The following PTPRT variants were observed in gnomAD, a reference collection of about 807,000 sequenced individuals.
PTPRT encodes protein tyrosine phosphatase receptor type T, also known as receptor-type tyrosine-protein phosphatase T.
Under a neutral mutation model 176.8 loss-of-function variants are expected in PTPRT, and 56 were observed. The observed-to-expected ratio is 0.32, with a 90% CI of 0.26 to 0.40. The LOEUF (loss-of-function observed/expected upper bound fraction) is 0.40. Ranked by LOEUF, PTPRT falls within the 10% of genes least tolerant of loss-of-function variation. The probability of loss-of-function intolerance (pLI) is 1.00; values close to 1 mark genes in which losing one functional copy is unlikely to be tolerated. For synonymous variants in PTPRT, 783 were observed against 739.0 expected (o/e 1.06, Z -0.96); for missense variants, 1,540 against 1,908.2 (o/e 0.81, Z 3.60).
intron 15 of PTPRT, among the ~76,000 whole-genome samples, chr20:42,200,223 T>G (rs989347543): frequency 1.3e-5 from 2 of 152,208 alleles, no homozygotes; most frequent in African/African-American, 2.4e-5. Context: ...AGCTTACCTC[T>G]GCTGCCTGCC....
intron 16 of PTPRT, among the ~76,000 whole-genome samples, chr20:42,179,125 A>G (rs1399960521): frequency 6.6e-6 from 1 of 152,190 alleles, no homozygotes. Flanking sequence ...TCCTAATATC[A>G]TTCTGCAATG....
At chr20:42,105,591 G>A (rs1185003430) in intron 24 of PTPRT, among the ~76,000 whole-genome samples, 1 of 152,192 alleles carries the variant, frequency 6.6e-6, no homozygotes, top group Non-Finnish European at 1.5e-5. Flanking sequence ...TCTATAAAGA[G>A]TACTTTTCCA....
At chr20:42,620,162 C>G (rs1030656302) in intron 7 of PTPRT, among the ~76,000 whole-genome samples, 1 of 147,094 alleles carries the variant, frequency 6.8e-6, no homozygotes, top group African/African-American at 2.6e-5. Context: ...TTCTAACAGA[C>G]AGGACCCTCA....
chr20:42,049,973 C>T, the PTPRT span, among the ~76,000 whole-genome samples: 1 of 152,230 alleles, frequency 6.6e-6, no homozygotes, highest in Non-Finnish European at 1.5e-5. Flanking sequence ...TCATTCATTA[C>T]AGCCACATGG....
chr20:42,279,935 G>T (rs1198717145), intron 13 of PTPRT, among the ~76,000 whole-genome samples: 1 of 152,238 alleles, frequency 6.6e-6, no homozygotes, highest in Admixed American at 6.5e-5. Context: ...GGGTCTGGAT[G>T]CCCTCCATCA....
intron 11 of PTPRT, among the ~76,000 whole-genome samples, chr20:42,341,222 G>C (rs985275812): frequency 2.6e-5 from 4 of 152,252 alleles, no homozygotes; most frequent in South Asian, 4.2e-4. Flanking sequence ...CATCCAGGTT[G>C]CCTGGCCCTC....
chr20:42,410,495 C>A (rs1349852673), intron 9 of PTPRT, among the ~76,000 whole-genome samples: 1 of 151,682 alleles, frequency 6.6e-6, no homozygotes, highest in Admixed American at 6.6e-5. Context: ...GAAAACTTTC[C>A]TCTCCCAGTA....
intron 1 of PTPRT, among the ~76,000 whole-genome samples, chr20:43,152,399 C>T (rs1035540771): frequency 6.6e-6 from 1 of 152,142 alleles, no homozygotes; most frequent in Admixed American, 6.5e-5. Flanking sequence ...ATTCATTGCA[C>T]ACAAGTGATG....
In PTPRT at chr20:43,173,065, G is replaced by A. The variant is rs545421249; in HGVS notation, c.88+16581C>T. On this transcript the variant is annotated intron_variant, in intron 1 of 30. Transcript: ENST00000373187. ...TTTTGTATTTTTAGTAGAGACGGGG[G>A]TTTCTCCATGTTGGTCACGGCTGGT... Among the ~76,000 whole-genome samples, 23 of 152,008 alleles carry A rather than the reference G, an allele frequency of 1.5e-4. No homozygotes were observed. In the South Asian group the frequency reaches 3.6e-3, roughly 23 times the overall value.
At chr20:42,483,352 T>C (rs534610285) in intron 7 of PTPRT, among the ~76,000 whole-genome samples, 81 of 152,246 alleles carry the variant, frequency 5.3e-4, no homozygotes, top group African/African-American at 1.8e-3. Context: ...TTAGTAGAGA[T>C]GGGGTTTCAC....
chr20:42,151,208 A>T (rs1989117043), intron 17 of PTPRT, among the ~76,000 whole-genome samples: 1 of 151,706 alleles, frequency 6.6e-6, no homozygotes, highest in Non-Finnish European at 1.5e-5. Flanking sequence ...ATAGCTATAC[A>T]TGTGCCATGG....
chr20:42,834,664 A>G (rs1393285300), intron 2 of PTPRT, among the ~76,000 whole-genome samples: 1 of 152,112 alleles, frequency 6.6e-6, no homozygotes, highest in Admixed American at 6.6e-5. Context: ...TAATCTGATC[A>G]ATCTTTTATT....
chr20:42,428,262 G>T (rs150512201), intron 9 of PTPRT, among the ~76,000 whole-genome samples: 17 of 152,310 alleles, frequency 1.1e-4, no homozygotes, highest in African/African-American at 3.8e-4. Flanking sequence ...ACCACTTACA[G>T]TCACTGGGTT....
intron 18 of PTPRT, among the ~76,000 whole-genome samples, chr20:42,130,572 G>A (rs1210292647): frequency 6.6e-6 from 1 of 152,204 alleles, no homozygotes; most frequent in Non-Finnish European, 1.5e-5. Flanking sequence ...ACTAGAGTGG[G>A]AGAAGGTAAG....
intron 1 of PTPRT, among the ~76,000 whole-genome samples, chr20:42,964,181 T>C (rs1982162293): frequency 6.6e-6 from 1 of 152,160 alleles, no homozygotes; most frequent in East Asian, 1.9e-4. Context: ...TTAGTATAAA[T>C]TGCCTCAACT....
Position 42,472,388 on chromosome 20 carries a change from G to A in PTPRT, c.1328C>T (p.Thr443Ile). The stretch of plus-strand genomic sequence containing the variant: ...GCCTCGCAGGGTGTAGTGGGAGGAG[G>A]TCTGGATGACCTCCTCGGCCTCGTA... ...QQYEAEEVIQTSSHYTLRGLR... is the reference protein window; with the variant it reads ...QQYEAEEVIQISSHYTLRGLR... The change falls in exon 8 of 31, where the codon ACC becomes ATC. Residue 443 changes from threonine (T) to isoleucine (I), a missense_variant. Thr to Ile is a moderately conservative substitution (Grantham distance 89). This residue lies in a region of PTPRT where 79 missense variants were observed against 80.0 expected (regional missense o/e 0.99). Transcript: ENST00000373187. 6.2e-7 allele frequency: 1 copy of A among 1,614,238 alleles called. No homozygotes were observed. The highest frequency in any genetic ancestry group is 8.5e-7 in the Non-Finnish European group (1 of 1,180,042).
chr20:42,876,299 G>A (rs1465150336), intron 2 of PTPRT, among the ~76,000 whole-genome samples: 2 of 152,118 alleles, frequency 1.3e-5, no homozygotes, highest in African/African-American at 4.8e-5. Flanking sequence ...GTGTGATTAA[G>A]GACACTTAAA....
At chr20:43,065,733 A>G (rs1302341610) in intron 1 of PTPRT, among the ~76,000 whole-genome samples, 1 of 152,216 alleles carries the variant, frequency 6.6e-6, no homozygotes, top group Non-Finnish European at 1.5e-5. Flanking sequence ...GCTCACATGT[A>G]CATGAAAGAG....
At chr20:42,566,572 G>A (rs1277346970) in intron 7 of PTPRT, among the ~76,000 whole-genome samples, 4 of 152,180 alleles carry the variant, frequency 2.6e-5, no homozygotes, top group African/African-American at 9.6e-5. Flanking sequence ...TGCCTTGCAG[G>A]TGTTCCTCCA....
Sources: allele counts gnomAD v4.1 joint callset (sites outside exome capture counted in the v4.1 genomes callset), GRCh38; gene constraint gnomAD v4.1.1; regional missense constraint gnomAD v4.1.1; transcripts MANE v1.5; gene names NCBI Gene and HGNC (gene_info 2026-07-23, HGNC 2026-07-21).